Variants in STARD13 observed in about 807,000 individuals in gnomAD.
STARD13 encodes stAR-related lipid transfer protein 13.
STARD13 carries 62 observed loss-of-function variants against 106.4 expected under a neutral mutation model. That is an observed-to-expected ratio of 0.58 (90% CI 0.48 to 0.72). The LOEUF is 0.72. Ranked by LOEUF, STARD13 falls within the 30% of genes least tolerant of loss-of-function variation. The pLI is 0.00. For synonymous variants in STARD13, 565 were observed against 553.0 expected, an observed-to-expected ratio of 1.02 and a Z score of -0.31; for missense variants, 1,387 against 1,424.0, an observed-to-expected ratio of 0.97 and a Z score of 0.42.
the STARD13 span, among the ~76,000 whole-genome samples, chr13:33,662,896 G>T: frequency 6.6e-6 from 1 of 152,156 alleles, no homozygotes; most frequent in Non-Finnish European, 1.5e-5. Context: ...GGTTTCCATA[G>T]CAGTAAACAA....
the STARD13 span, among the ~76,000 whole-genome samples, chr13:33,376,605 A>G: frequency 6.6e-6 from 1 of 151,990 alleles, no homozygotes; most frequent in East Asian, 1.9e-4. Context: ...TGACCAACAT[A>G]GCCAGACCCC....
chr13:33,168,658 T>C (rs928624849), intron 1 of STARD13, among the ~76,000 whole-genome samples: 3 of 152,220 alleles, frequency 2.0e-5, no homozygotes, highest in African/African-American at 7.2e-5. Context: ...TTTACTATGA[T>C]GCTAATTTTT....
At chr13:33,142,136 C>A (rs568866572) in intron 4 of STARD13, among the ~76,000 whole-genome samples, 174 bp downstream of exon 4, 151 of 152,268 alleles carry the variant, frequency 9.9e-4, no homozygotes, top group African/African-American at 3.5e-3. Flanking sequence ...TCAAGCAATG[C>A]CCCCAACTCA....
chr13:33,550,602 CCTTAACGCTGTG>C, the STARD13 span, among the ~76,000 whole-genome samples: 1 of 152,192 alleles, frequency 6.6e-6, no homozygotes, highest in East Asian at 1.9e-4. Context: ...ATCTTCAAAA[CCTTAACGCTGTG>C]CTTTTTCTTA....
At position 33,136,499 on chromosome 13, in the gene STARD13, T is replaced by G. The variant is rs138065932; in HGVS notation, c.387+5811A>C. On this transcript the variant is annotated intron_variant, in intron 4 of 13. Transcript: ENST00000336934. ...AACCTCTCTTCCCATTTGGCATGTT[T>G]TCCTCTGATTGATCCTCACCCTTCC... Among the ~76,000 whole-genome samples the G allele has an allele frequency of 5.0e-3, 760 of 152,304 alleles. 3 individuals carry two copies. The highest frequency in any genetic ancestry group is 7.8e-3 in the Non-Finnish European group (531 of 68,034).
rs915847041 is a variant in STARD13, at chr13:33,242,515, G to A, written c.169+42955C>T. On this transcript the variant is annotated intron_variant, in intron 1 of 13. Transcript: ENST00000336934. Reference sequence around the variant, plus strand: ...AAGGGTTAAATGGATTAAGGGCGGTGCAAGACGTGCTTTGTTAAACAGATG... The same window carrying A: ...AAGGGTTAAATGGATTAAGGGCGGTACAAGACGTGCTTTGTTAAACAGATG... Among the ~76,000 whole-genome samples, 3 of 152,200 alleles carry A rather than the reference G, an allele frequency of 2.0e-5. No individual in the cohort carries two copies. In the East Asian group the frequency reaches 5.8e-4, roughly 29 times the overall value.
At chr13:33,198,224 T>C (rs1886778897) in intron 1 of STARD13, among the ~76,000 whole-genome samples, 1 of 152,130 alleles carries the variant, frequency 6.6e-6, no homozygotes, top group African/African-American at 2.4e-5. Flanking sequence ...ACCTAAGCCA[T>C]CCAGGAAAAA....
chr13:33,545,854 G>A, the STARD13 span, among the ~76,000 whole-genome samples: 1 of 152,192 alleles, frequency 6.6e-6, no homozygotes, highest in Non-Finnish European at 1.5e-5. Context: ...AGAAATAGCT[G>A]CTGGTACCAT....
At chr13:33,466,257 T>C in the STARD13 span, among the ~76,000 whole-genome samples, 1 of 152,198 alleles carries the variant, frequency 6.6e-6, no homozygotes, top group Non-Finnish European at 1.5e-5. Flanking sequence ...TTTGCTGAGG[T>C]ATAATTAACA....
In STARD13 at chr13:33,315,797, A is replaced by T. The variant is rs111287494; in HGVS notation, c.124+34493T>A. ...AACATCAAAAAGTAAAAAGGTAAAAATCTCATAATAAACAAAAATGTCAGT... is the reference window on the plus strand; with the variant it reads ...AACATCAAAAAGTAAAAAGGTAAAATTCTCATAATAAACAAAAATGTCAGT... On this transcript the variant is annotated intron_variant, in intron 1 of 5. Coordinates refer to the STARD13 transcript ENST00000567873. 1.1e-3 allele frequency among the ~76,000 whole-genome samples: 163 copies of T among 152,294 alleles called. 1 individual carries two copies. The highest frequency in any genetic ancestry group is 3.8e-3 in the African/African-American group (160 of 41,562).
chr13:33,538,839 G>A, the STARD13 span, among the ~76,000 whole-genome samples: 2 of 150,114 alleles, frequency 1.3e-5, no homozygotes, highest in Non-Finnish European at 2.9e-5. Context: ...TTATAATCTC[G>A]GCTCACTGCA....
chr13:33,531,144 G>T, the STARD13 span, among the ~76,000 whole-genome samples: 1 of 152,166 alleles, frequency 6.6e-6, no homozygotes, highest in Non-Finnish European at 1.5e-5. Flanking sequence ...CCCTGCACAA[G>T]CTCTCTTCTC....
the STARD13 span, among the ~76,000 whole-genome samples, chr13:33,516,170 T>C: frequency 1.4e-5 from 2 of 147,882 alleles, no homozygotes; most frequent in African/African-American, 2.5e-5. Context: ...ATAATGTATA[T>C]ATAATTCATA....
intron 1 of STARD13, among the ~76,000 whole-genome samples, chr13:33,218,656 T>C (rs1168853944): frequency 6.6e-6 from 1 of 152,238 alleles, no homozygotes; most frequent in African/African-American, 2.4e-5. Context: ...AGGAACCTGT[T>C]TAACCTCCTT....
chr13:33,645,257 G>A, the STARD13 span, among the ~76,000 whole-genome samples: 3 of 152,162 alleles, frequency 2.0e-5, no homozygotes, highest in Non-Finnish European at 4.4e-5. Flanking sequence ...CATGTACAAA[G>A]GCCTTGCTTA....
intron 3 of STARD13, among the ~76,000 whole-genome samples, chr13:33,152,059 G>C (rs1881353291): frequency 6.6e-6 from 1 of 152,148 alleles, no homozygotes. Flanking sequence ...TAAATTTTAG[G>C]GGCCCTGTCA....
At chr13:33,535,470 A>G in the STARD13 span, among the ~76,000 whole-genome samples, 4,202 of 152,292 alleles carry the variant, frequency 0.028, 197 homozygotes, top group African/African-American at 0.094. Context: ...AGAGAATCAA[A>G]GGCAATCAAT....
the STARD13 span, among the ~76,000 whole-genome samples, chr13:33,401,749 T>G: frequency 6.6e-6 from 1 of 152,234 alleles, no homozygotes; most frequent in South Asian, 2.1e-4. Context: ...TGATGTCAGC[T>G]TCTTGGATGA....
the STARD13 span, chr13:33,659,686 G>A: frequency 6.6e-6 from 1 of 152,214 alleles, no homozygotes; most frequent in African/African-American, 2.4e-5. Flanking sequence ...CTTGGTGCGT[G>A]GGGAAAACCC....
Sources: allele counts gnomAD v4.1 joint callset (sites outside exome capture counted in the v4.1 genomes callset), GRCh38; gene constraint gnomAD v4.1.1; transcripts MANE v1.5; gene names NCBI Gene and HGNC (gene_info 2026-07-23, HGNC 2026-07-21).